Variants in PPARGC1A observed in about 807,000 individuals in gnomAD.
PPARGC1A encodes PPARG coactivator 1 alpha, also known as peroxisome proliferator-activated receptor gamma coactivator 1-alpha.
PPARGC1A carries 25 observed loss-of-function variants against 88.7 expected under a neutral mutation model. The observed-to-expected ratio is 0.28, with a 90% CI of 0.21 to 0.39. The LOEUF (loss-of-function observed/expected upper bound fraction) is 0.39, where lower values mean the gene tolerates loss of function less well. Ranked by LOEUF, PPARGC1A falls within the 10% of genes least tolerant of loss-of-function variation. PPARGC1A has a pLI of 1.00. For synonymous variants in PPARGC1A, 363 were observed against 355.6 expected (o/e 1.02, Z -0.24); for missense variants, 880 against 968.7 (o/e 0.91, Z 1.22).
At chr4:24,206,587 T>A in the PPARGC1A span, among the ~76,000 whole-genome samples, 43 of 152,218 alleles carry the variant, frequency 2.8e-4, no homozygotes, top group African/African-American at 9.1e-4. Context: ...ATCCCAGCAC[T>A]TTGGGAGGCT....
the PPARGC1A span, among the ~76,000 whole-genome samples, chr4:24,221,017 C>T: frequency 6.9e-3 from 1,056 of 152,188 alleles, 34 homozygotes; most frequent in East Asian, 0.11. Flanking sequence ...TCTCCAATAC[C>T]CACAAAAGAA....
chr4:24,252,233 G>A, the PPARGC1A span, among the ~76,000 whole-genome samples: 1 of 152,058 alleles, frequency 6.6e-6, no homozygotes, highest in African/African-American at 2.4e-5. Context: ...TTTTTTCTGT[G>A]CAGCCTAGGG....
chr4:24,399,680 C>G, the PPARGC1A span, among the ~76,000 whole-genome samples: 24 of 152,102 alleles, frequency 1.6e-4, no homozygotes, highest in African/African-American at 5.8e-4. Flanking sequence ...TACGAACACT[C>G]ATTTCCACCA....
the PPARGC1A span, among the ~76,000 whole-genome samples, chr4:24,333,000 G>A: frequency 5.3e-5 from 8 of 152,278 alleles, no homozygotes; most frequent in South Asian, 8.3e-4. Context: ...CCAGCACTTC[G>A]GGAGGCCAAG....
At chr4:24,436,858 A>G in the PPARGC1A span, among the ~76,000 whole-genome samples, 73 of 136,086 alleles carry the variant, frequency 5.4e-4, no homozygotes, top group East Asian at 3.6e-3. Context: ...CCCAGAGCCC[A>G]GGTCACAGAG....
chr4:24,345,044 T>C, the PPARGC1A span, among the ~76,000 whole-genome samples: 1 of 152,156 alleles, frequency 6.6e-6, no homozygotes, highest in African/African-American at 2.4e-5. Context: ...TTGTTTGCTT[T>C]GTCAAAGATT....
chr4:24,092,002 A>G, the PPARGC1A span, among the ~76,000 whole-genome samples: 1 of 151,950 alleles, frequency 6.6e-6, no homozygotes, highest in Non-Finnish European at 1.5e-5. Context: ...AGGTTGCATC[A>G]GTGGGCTGGT....
chr4:24,260,579 A>T, the PPARGC1A span, among the ~76,000 whole-genome samples: 1 of 152,208 alleles, frequency 6.6e-6, no homozygotes, highest in Non-Finnish European at 1.5e-5. Flanking sequence ...TGATATGAGG[A>T]TAATAGTGAG....
At chr4:24,420,549 C>T in the PPARGC1A span, among the ~76,000 whole-genome samples, 1 of 152,114 alleles carries the variant, frequency 6.6e-6, no homozygotes, top group Non-Finnish European at 1.5e-5. Flanking sequence ...TGTCCACACT[C>T]CCGGCTGGGA....
At chr4:24,035,005 T>C in the PPARGC1A span, among the ~76,000 whole-genome samples, 1 of 152,174 alleles carries the variant, frequency 6.6e-6, no homozygotes, top group Non-Finnish European at 1.5e-5. Context: ...CCACAGCTAA[T>C]TCTTCCTCCT....
the PPARGC1A span, among the ~76,000 whole-genome samples, chr4:24,394,319 C>T: frequency 6.6e-6 from 1 of 152,104 alleles, no homozygotes; most frequent in Non-Finnish European, 1.5e-5. Context: ...ACCATGAGAT[C>T]CAAGGAGCTG....
At chr4:24,469,922 G>C in the PPARGC1A span, among the ~76,000 whole-genome samples, 18 of 152,008 alleles carry the variant, frequency 1.2e-4, no homozygotes, top group Non-Finnish European at 2.2e-4. Context: ...AAATCCAGCC[G>C]CAGCCCTTCG....
the PPARGC1A span, among the ~76,000 whole-genome samples, chr4:24,342,721 T>C: frequency 6.6e-6 from 1 of 152,322 alleles, no homozygotes; most frequent in South Asian, 2.1e-4. Context: ...TTAATTAAAC[T>C]AAGTTTCAGG....
At chr4:24,159,206 C>G in the PPARGC1A span, among the ~76,000 whole-genome samples, 8 of 109,866 alleles carry the variant, frequency 7.3e-5, no homozygotes, top group East Asian at 1.5e-3. Flanking sequence ...GGAAATTAAC[C>G]TTTTTTTTTT....
Position 23,814,323 on chromosome 4 carries a change from C to T in PPARGC1A, c.1160G>A (p.Cys387Tyr). 3.1e-6 allele frequency: 5 copies of T among 1,614,030 alleles called. No homozygotes were observed. The highest frequency in any genetic ancestry group is 4.2e-6 in the Non-Finnish European group (5 of 1,179,996). The change falls in exon 8 of 13, where the codon TGC becomes TAC. Residue 387 changes from cysteine (C) to tyrosine (Y), a missense_variant. Coordinates refer to ENST00000264867, the MANE Select transcript of PPARGC1A (RefSeq NM_013261.5). Reference protein sequence around the residue: ...SLRLFGDHDYCQSINSKTEIL... With the variant: ...SLRLFGDHDYYQSINSKTEIL... ...TTCTGTTTTGGAATTAATTGACTGG[C>T]AATAGTCATGGTCACCAAACAGCCG...
At chr4:23,976,036 G>A in the PPARGC1A span, among the ~76,000 whole-genome samples, 3 of 152,152 alleles carry the variant, frequency 2.0e-5, no homozygotes. Context: ...GAACAATAAT[G>A]ATAGTCCTTT....
At chr4:23,969,586 A>G in the PPARGC1A span, among the ~76,000 whole-genome samples, 1 of 152,326 alleles carries the variant, frequency 6.6e-6, no homozygotes, top group Middle Eastern at 3.4e-3. Context: ...CTCTATCCTA[A>G]GAAGTATTAA....
At chr4:24,470,231 CCTCAAAGACGAGCAGGG>C in the PPARGC1A span, among the ~76,000 whole-genome samples, 1 of 150,128 alleles carries the variant, frequency 6.7e-6, no homozygotes, top group East Asian at 2.0e-4. The surrounding 1 kb of genome is among the most constrained non-coding windows in gnomAD (Gnocchi z 5.8). Flanking sequence ...CCGCCTCAGT[CCTCAAAGACGAGCAGGG>C]CTTGGTTTCT....
chr4:23,982,778 G>A, the PPARGC1A span, among the ~76,000 whole-genome samples: 1 of 152,146 alleles, frequency 6.6e-6, no homozygotes, highest in Non-Finnish European at 1.5e-5. Flanking sequence ...CATGGAGAGA[G>A]TTGTAAAGAT....
Sources: allele counts gnomAD v4.1 joint callset (sites outside exome capture counted in the v4.1 genomes callset), GRCh38; gene constraint gnomAD v4.1.1; non-coding constraint Gnocchi (gnomAD v3.1); transcripts MANE v1.5; gene names NCBI Gene and HGNC (gene_info 2026-07-23, HGNC 2026-07-21).